Variants in ZNF331 observed in about 807,000 individuals in gnomAD.
ZNF331 encodes the protein zinc finger protein 331.
A neutral mutation model predicts 7.0 loss-of-function variants in ZNF331; 2 were observed. The observed-to-expected ratio is 0.29, with a 90% CI of 0.12 to 0.90. The LOEUF (loss-of-function observed/expected upper bound fraction) is 0.90. Among genes scored for constraint, ZNF331 ranks in the 40% least tolerant of loss-of-function variants. ZNF331 has a pLI of 0.58. For missense variants in ZNF331, 432 were observed against 587.7 expected (o/e 0.74, Z 2.74); for synonymous variants, 196 against 205.4 (o/e 0.95, Z 0.39).
chr19:53,526,729 T>C (rs1351147265), intron 2 of ZNF331, among the ~76,000 whole-genome samples: 1 of 151,848 alleles, frequency 6.6e-6, no homozygotes, highest in African/African-American at 2.4e-5. Flanking sequence ...GTTGTTTGTA[T>C]TATTAGTAGA....
At chr19:53,567,007 G>T (rs1032038505) in intron 3 of ZNF331, among the ~76,000 whole-genome samples, 2 of 151,966 alleles carry the variant, frequency 1.3e-5, no homozygotes, top group East Asian at 1.9e-4. Context: ...GTGTGTGTGT[G>T]TATTTTTATA....
At chr19:53,543,062 G>C (rs1250512344) in intron 2 of ZNF331, among the ~76,000 whole-genome samples, 1 of 152,116 alleles carries the variant, frequency 6.6e-6, no homozygotes, top group African/African-American at 2.4e-5. Flanking sequence ...ACCTGCCTCA[G>C]CCTCCGAAAG....
intron 3 of ZNF331, among the ~76,000 whole-genome samples, chr19:53,562,861 G>A (rs916649630): frequency 6.6e-6 from 1 of 151,690 alleles, no homozygotes; most frequent in Non-Finnish European, 1.5e-5. Context: ...GGTGACGCAT[G>A]CCTGTAATCC....
At chr19:53,563,465 T>C (rs940557349) in intron 3 of ZNF331, among the ~76,000 whole-genome samples, 3 of 152,186 alleles carry the variant, frequency 2.0e-5, no homozygotes, top group Admixed American at 6.5e-5. Flanking sequence ...AAATGTGTCT[T>C]AGAATCTTTA....
the ZNF331 span, among the ~76,000 whole-genome samples, chr19:53,506,285 A>C: frequency 0.028 from 3,013 of 105,938 alleles, 178 homozygotes; most frequent in South Asian, 0.079. Flanking sequence ...CAGTGAGCGG[A>C]GATCGCGCCA....
intron 3 of ZNF331, 140 bp downstream of exon 3, chr19:53,556,048 T>C (rs964185418): frequency 5.3e-5 from 8 of 151,582 alleles, no homozygotes; most frequent in African/African-American, 1.7e-4. Context: ...ATCGAGACCA[T>C]CCTGGCTAAC....
chr19:53,570,668 G>A (rs566130336), intron 4 of ZNF331, among the ~76,000 whole-genome samples: 34 of 151,756 alleles, frequency 2.2e-4, no homozygotes, highest in African/African-American at 8.2e-4. Context: ...GAGTAGCTGG[G>A]ATTACAGGGA....
intron 2 of ZNF331, among the ~76,000 whole-genome samples, chr19:53,541,213 T>G (rs1458290522): frequency 6.6e-6 from 1 of 151,020 alleles, no homozygotes; most frequent in East Asian, 2.0e-4. Flanking sequence ...GTTCAAGCAA[T>G]TCCTGCCTCA....
At chr19:53,511,286 AT>A in the ZNF331 span, among the ~76,000 whole-genome samples, 4 of 152,162 alleles carry the variant, frequency 2.6e-5, no homozygotes, top group Non-Finnish European at 5.9e-5. Flanking sequence ...AGAATACCCA[AT>A]TACTTATATA....
chr19:53,550,529 CTTTTTTTTTTTTTTTTT>C (rs60619357), intron 2 of ZNF331, among the ~76,000 whole-genome samples: 2 of 64,540 alleles, frequency 3.1e-5, no homozygotes, highest in African/African-American at 1.3e-4. Context: ...TCTATTTTGT[CTTTTTTTTTTTTTTTTT>C]TTTTTTTTGA....
chr19:53,526,918 G>A (rs556502157), intron 2 of ZNF331, among the ~76,000 whole-genome samples: 5 of 151,720 alleles, frequency 3.3e-5, no homozygotes, highest in Admixed American at 6.6e-5. Context: ...CTTGCTGGGC[G>A]CAGTGCCTCA....
chr19:53,560,224 A>G lies in ZNF331; in HGVS notation c.-74+4316A>G, dbSNP rs923490970. Among the ~76,000 whole-genome samples the G allele has an allele frequency of 6.6e-6, 1 of 151,816 alleles. No homozygotes were observed. Among genetic ancestry groups the G allele is most frequent in the Non-Finnish European group, 1.5e-5 (1 of 67,908 alleles). ...ACACACCATATATATACACACATAT[A>G]TACACATCCACACCATATATACACA... On this transcript the variant is annotated intron_variant, in intron 3 of 5. Coordinates refer to ENST00000449416, the MANE Select transcript of ZNF331 (RefSeq NM_001079906.2). The surrounding 1 kb of genome is among the most constrained non-coding windows in gnomAD (Gnocchi z 4.3).
chr19:53,548,091 G>A (rs1377117592), intron 2 of ZNF331, among the ~76,000 whole-genome samples: 1 of 151,654 alleles, frequency 6.6e-6, no homozygotes, highest in Non-Finnish European at 1.5e-5. Context: ...CATCATGCCC[G>A]GCTAATTTTT....
intron 2 of ZNF331, among the ~76,000 whole-genome samples, chr19:53,554,040 C>T (rs112058753): frequency 1.3e-5 from 2 of 152,230 alleles, no homozygotes; most frequent in South Asian, 2.1e-4. Flanking sequence ...TGCTGGGACA[C>T]GGGGCTTGGG....
At position 53,556,515 on chromosome 19, in the gene ZNF331, G is replaced by A. The variant is rs192194294; in HGVS notation, c.-74+607G>A. 1.4e-3 allele frequency among the ~76,000 whole-genome samples: 216 copies of A among 150,562 alleles called. 2 individuals are homozygous for A. Among genetic ancestry groups the A allele is most frequent in the Non-Finnish European group, 1.2e-3 (79 of 67,806 alleles). ...TTAATTTTTTTTTTTTTTAGAGACA[G>A]GGTCTCACTATGTTACCCAGGCTGG... On this transcript the variant is annotated intron_variant, in intron 3 of 5. Coordinates refer to ENST00000449416, the MANE Select transcript of ZNF331 (RefSeq NM_001079906.2).
upstream of ZNF331, among the ~76,000 whole-genome samples, chr19:53,516,689 A>G (rs1244084340): frequency 6.6e-6 from 1 of 152,142 alleles, no homozygotes; most frequent in East Asian, 1.9e-4. Flanking sequence ...GAGCTTTTTA[A>G]ATATAGTTAT....
chr19:53,556,879 C>T (rs556295728), intron 3 of ZNF331, among the ~76,000 whole-genome samples: 1 of 151,594 alleles, frequency 6.6e-6, no homozygotes, highest in African/African-American at 2.4e-5. Context: ...AATCTTGGCT[C>T]ACTTCAACCT....
chr19:53,531,802 A>C (rs937638381), intron 2 of ZNF331, among the ~76,000 whole-genome samples: 1 of 152,164 alleles, frequency 6.6e-6, no homozygotes, highest in Admixed American at 6.5e-5. Flanking sequence ...AGTGAGAAGC[A>C]ATGTGGTTTG....
Position 53,558,905 on chromosome 19 carries a change from CACACCTACATAT to C in ZNF331, c.-74+2999_-74+3010del. 8.7e-6 allele frequency among the ~76,000 whole-genome samples: 1 copy of C among 114,416 alleles called. No individual in the cohort carries two copies. Among genetic ancestry groups the C allele is most frequent in the African/African-American group, 4.5e-5 (1 of 22,370 alleles). 75.1% of individuals were successfully genotyped at this position (114,416 alleles called of 152,430 possible). ...ATATACACACATATACACACCTATA[CACACCTACATAT>C]ATACACACACATACACACCATACAC... On this transcript the variant is annotated intron_variant, in intron 3 of 5. Transcript: ENST00000449416. The surrounding 1 kb of genome is among the most constrained non-coding windows in gnomAD (Gnocchi z 4.5).
Sources: gnomAD v4.1 joint callset for allele counts (sites outside exome capture counted in the v4.1 genomes callset) on GRCh38, gnomAD v4.1.1 for gene constraint, Gnocchi (gnomAD v3.1) non-coding constraint, MANE v1.5 for transcripts, NCBI Gene and HGNC (gene_info 2026-07-23, HGNC 2026-07-21) for gene names.